The following XNDC1N variants were observed in gnomAD, a reference collection of about 807,000 sequenced individuals.
The protein encoded by XNDC1N is protein XNDC1N.
the XNDC1N span, among the ~76,000 whole-genome samples, chr11:71,887,059 C>T: frequency 6.6e-6 from 1 of 152,310 alleles, no homozygotes; most frequent in East Asian, 1.9e-4. Context: ...CCTGCTCAAC[C>T]TGGCAGAAGG....
chr11:71,928,064 C>G, the XNDC1N span: 2 of 190,208 alleles, frequency 1.1e-5, no homozygotes, highest in African/African-American at 4.8e-5. Flanking sequence ...TGAAGGTATA[C>G]GTAGGGGTGG....
the XNDC1N span, among the ~76,000 whole-genome samples, chr11:71,889,892 G>A: frequency 5.9e-5 from 9 of 152,272 alleles, no homozygotes; most frequent in African/African-American, 9.6e-5. Context: ...GAGAAATCTC[G>A]TGAAGTAACC....
chr11:71,893,639 C>A, the XNDC1N span: 15 of 1,133,008 alleles, frequency 1.3e-5, no homozygotes, highest in African/African-American at 1.4e-4. Flanking sequence ...CCCCTCCACA[C>A]CCCCACGTAC....
chr11:71,917,601 T>C, the XNDC1N span: 1 of 703,568 alleles, frequency 1.4e-6, no homozygotes, highest in African/African-American at 1.7e-5. Flanking sequence ...CCCCATCTTT[T>C]CTGCTTTTGC....
chr11:71,870,468 G>A, the XNDC1N span, among the ~76,000 whole-genome samples: 7 of 152,124 alleles, frequency 4.6e-5, no homozygotes, highest in African/African-American at 1.7e-4. Flanking sequence ...GACATCTTAA[G>A]TTCTAACTTA....
the XNDC1N span, among the ~76,000 whole-genome samples, chr11:71,886,446 G>C: frequency 6.6e-6 from 1 of 152,154 alleles, no homozygotes; most frequent in African/African-American, 2.4e-5. Context: ...ACATGAAAGA[G>C]AGGATATGCA....
the XNDC1N span, among the ~76,000 whole-genome samples, chr11:71,901,337 G>A: frequency 6.6e-6 from 1 of 152,074 alleles, no homozygotes; most frequent in Non-Finnish European, 1.5e-5. Flanking sequence ...CGTGGCTCAC[G>A]CCTGTAATCC....
At chr11:71,896,114 C>T in the XNDC1N span, among the ~76,000 whole-genome samples, 3 of 152,176 alleles carry the variant, frequency 2.0e-5, no homozygotes, top group Non-Finnish European at 4.4e-5. Flanking sequence ...CCCGTCTCCA[C>T]GGTAAACACA....
chr11:71,890,526 C>T, the XNDC1N span, among the ~76,000 whole-genome samples: 1 of 152,038 alleles, frequency 6.6e-6, no homozygotes, highest in Non-Finnish European at 1.5e-5. Context: ...TCACAAGGGG[C>T]GTGTACACAC....
At chr11:71,884,524 T>A in the XNDC1N span, 1 of 1,608,952 alleles carries the variant, frequency 6.2e-7, no homozygotes, top group Non-Finnish European at 8.5e-7. Flanking sequence ...TGCTGCAAAC[T>A]GAAGATCATT....
At chr11:71,913,051 C>A in the XNDC1N span, among the ~76,000 whole-genome samples, 1 of 152,084 alleles carries the variant, frequency 6.6e-6, no homozygotes, top group Non-Finnish European at 1.5e-5. Context: ...TCAACGTAAC[C>A]TTATCCTCTC....
At chr11:71,912,465 C>T in the XNDC1N span, among the ~76,000 whole-genome samples, 5 of 152,200 alleles carry the variant, frequency 3.3e-5, no homozygotes, top group East Asian at 3.9e-4. Context: ...ACGTTTCCTA[C>T]GTTGTTGCGA....
chr11:71,911,626 ACT>A, the XNDC1N span, among the ~76,000 whole-genome samples: 1 of 151,868 alleles, frequency 6.6e-6, no homozygotes, highest in African/African-American at 2.4e-5. Context: ...CAACATTTAC[ACT>A]GATTCTCGGT....
At chr11:71,909,350 G>A in the XNDC1N span, among the ~76,000 whole-genome samples, 1 of 151,488 alleles carries the variant, frequency 6.6e-6, no homozygotes, top group Non-Finnish European at 1.5e-5. Context: ...CAAGGGAAGG[G>A]AGGCCCTGGG....
At chr11:71,902,932 G>T in the XNDC1N span, among the ~76,000 whole-genome samples, 16 of 152,168 alleles carry the variant, frequency 1.1e-4, no homozygotes, top group African/African-American at 3.6e-4. Flanking sequence ...TTCTTGGAAC[G>T]TTCTTGAAGC....
At chr11:71,887,219 C>A in the XNDC1N span, among the ~76,000 whole-genome samples, 93 of 145,206 alleles carry the variant, frequency 6.4e-4, no homozygotes, top group East Asian at 1.2e-3. Context: ...TCCAAAAAGA[C>A]TATTGACGTC....
At chr11:71,868,859 C>A in the XNDC1N span, among the ~76,000 whole-genome samples, 11 of 152,204 alleles carry the variant, frequency 7.2e-5, no homozygotes, top group East Asian at 3.9e-4. Context: ...TGGAAGATAT[C>A]CTCAAATATG....
the XNDC1N span, among the ~76,000 whole-genome samples, chr11:71,910,759 A>G: frequency 2.2e-4 from 33 of 152,232 alleles, no homozygotes; most frequent in African/African-American, 8.0e-4. Context: ...GGGGAGCCTA[A>G]GAGCAGAATG....
At chr11:71,880,119 T>C in the XNDC1N span, among the ~76,000 whole-genome samples, 2 of 152,186 alleles carry the variant, frequency 1.3e-5, no homozygotes, top group Non-Finnish European at 2.9e-5. Flanking sequence ...TTTTAAAATG[T>C]GCTCTGAGGT....
Sources: allele counts gnomAD v4.1 joint callset (sites outside exome capture counted in the v4.1 genomes callset), GRCh38; gene constraint gnomAD v4.1.1; transcripts MANE v1.5; gene names NCBI Gene and HGNC (gene_info 2026-07-23, HGNC 2026-07-21).